PEDS1: variants seen among roughly 807,000 people sequenced by gnomAD.
The protein encoded by PEDS1 is plasmanylethanolamine desaturase 1, also known as CarF homolog.
Under a neutral mutation model 35.2 loss-of-function variants are expected in PEDS1, and 14 were observed. That is an observed-to-expected ratio of 0.40 (90% CI 0.26 to 0.62). PEDS1 has a LOEUF of 0.62. Ranked by LOEUF, PEDS1 falls within the 20% of genes least tolerant of loss-of-function variation. PEDS1 has a pLI of 0.44. For missense variants in PEDS1, 260 were observed against 367.8 expected (o/e 0.71, Z 2.40); for synonymous variants, 152 against 152.0 (o/e 1.00, Z 0.00).
intron 1 of PEDS1, among the ~76,000 whole-genome samples, chr20:50,147,044 G>T (rs1023389634): frequency 6.6e-6 from 1 of 152,158 alleles, no homozygotes; most frequent in Non-Finnish European, 1.5e-5. Context: ...GAACCTTCCC[G>T]ATCGACCTGC....
chr20:50,134,580 T>C (rs2081213224), intron 2 of PEDS1, among the ~76,000 whole-genome samples: 1 of 152,146 alleles, frequency 6.6e-6, no homozygotes, highest in Non-Finnish European at 1.5e-5. Context: ...GCTGCCTTCA[T>C]GAAAGAAATA....
At chr20:50,142,819 C>T (rs1379444228) in intron 2 of PEDS1, among the ~76,000 whole-genome samples, 1 of 151,772 alleles carries the variant, frequency 6.6e-6, no homozygotes, top group Non-Finnish European at 1.5e-5. Flanking sequence ...TCAGCAGACA[C>T]CTGGAGTGAG....
chr20:50,138,023 T>C (rs1174586569), intron 2 of PEDS1, among the ~76,000 whole-genome samples: 1 of 152,202 alleles, frequency 6.6e-6, no homozygotes. Context: ...CAGCTCATGA[T>C]AATGTATCAA....
Position 50,153,632 on chromosome 20 carries a change from C to G in PEDS1, c.6G>C (p.Ala2=), listed in dbSNP as rs555828056. The part of the protein sequence containing the change: M[A]GAENWPGQQL... The stretch of plus-strand genomic sequence containing the variant: ...GCTGGCCCGGCCAGTTCTCGGCGCC[C>G]GCCATGGCCACTCGCCCGATCGGCC... The change falls in exon 1 of 6, where the codon GCG becomes GCC. Residue 2 remains alanine, a synonymous_variant. Transcript: ENST00000371652. 11 of 1,261,960 alleles carry G rather than the reference C, an allele frequency of 8.7e-6. No individual in the cohort carries two copies. The highest frequency in any genetic ancestry group is 2.7e-5 in the South Asian group (1 of 36,634). The allele number at this position is 1,261,960 out of a possible 1,614,324, so 78.2% of individuals were successfully genotyped here.
At chr20:50,139,846 G>C (rs1379906656) in intron 2 of PEDS1, among the ~76,000 whole-genome samples, 1 of 151,888 alleles carries the variant, frequency 6.6e-6, no homozygotes, top group Non-Finnish European at 1.5e-5. Context: ...ATGCCCAGCT[G>C]ATTTTTGTAT....
chr20:50,142,041 T>A (rs1439852335), intron 2 of PEDS1, among the ~76,000 whole-genome samples: 4 of 152,042 alleles, frequency 2.6e-5, no homozygotes, highest in African/African-American at 9.7e-5. Flanking sequence ...GGAAACTGAG[T>A]CATCCAGGGC....
intron 5 of PEDS1, 129 bp downstream of exon 5, chr20:50,127,846 G>A: frequency 7.7e-7 from 1 of 1,302,318 alleles, no homozygotes; most frequent in Non-Finnish European, 1.1e-6. Context: ...ATAAATGCAT[G>A]ACCTGAGAGA....
At chr20:50,125,663 G>A (rs747955318) in intron 5 of PEDS1, among the ~76,000 whole-genome samples, 6 of 151,874 alleles carry the variant, frequency 4.0e-5, no homozygotes, top group Non-Finnish European at 7.4e-5. Context: ...GGGCGATCTC[G>A]GCTCACTGCA....
intron 2 of PEDS1, among the ~76,000 whole-genome samples, chr20:50,137,913 G>A (rs1050150200): frequency 3.9e-5 from 6 of 152,102 alleles, no homozygotes; most frequent in African/African-American, 1.4e-4. Context: ...AGCCTAAAGG[G>A]ACATGACAAC....
At chr20:50,146,332 G>C (rs953946250) in intron 1 of PEDS1, among the ~76,000 whole-genome samples, 1 of 152,154 alleles carries the variant, frequency 6.6e-6, no homozygotes, top group Non-Finnish European at 1.5e-5. Flanking sequence ...CATTGCTCAT[G>C]CCTGTGGCCT....
chr20:50,143,170 A>T (rs2081312024), intron 2 of PEDS1, among the ~76,000 whole-genome samples: 1 of 152,112 alleles, frequency 6.6e-6, no homozygotes, highest in African/African-American at 2.4e-5. Flanking sequence ...GCGGGAGAGG[A>T]TGGTGGCTGG....
chr20:50,146,347 T>C (rs560023734), intron 1 of PEDS1, among the ~76,000 whole-genome samples: 1 of 152,176 alleles, frequency 6.6e-6, no homozygotes, highest in East Asian at 1.9e-4. Context: ...TGGCCTTGTC[T>C]ACGTTTGTCT....
intron 2 of PEDS1, among the ~76,000 whole-genome samples, chr20:50,141,443 C>T (rs2081290767): frequency 6.6e-6 from 1 of 152,242 alleles, no homozygotes; most frequent in Non-Finnish European, 1.5e-5. Flanking sequence ...CTCCCCGCCC[C>T]TGCTTAGTCA....
chr20:50,147,491 A>G (rs1325338890), intron 1 of PEDS1, among the ~76,000 whole-genome samples: 6 of 152,174 alleles, frequency 3.9e-5, no homozygotes, highest in African/African-American at 1.4e-4. Context: ...TTCAAGTATC[A>G]GCCCGTCAAG....
chr20:50,129,508 A>G lies in PEDS1; in HGVS notation c.478+38T>C. The G allele has an allele frequency of 1.2e-6, 2 of 1,612,730 alleles. No homozygotes were observed. Among genetic ancestry groups the G allele is most frequent in the Non-Finnish European group, 8.5e-7 (1 of 1,179,128 alleles). ...TCCTGGGGGTCGGCCTCTGCCCCCA[A>G]GGCCCCCTCCCAGCCCACCACTAGC... On this transcript the variant is annotated intron_variant, in intron 4 of 5. Coordinates refer to ENST00000371652, the MANE Select transcript of PEDS1 (RefSeq NM_199129.4). This position sits in a 1 kb window ranked among gnomAD's most constrained non-coding sequence, Gnocchi z 4.2.
rs1022577119 is a variant in PEDS1, at chr20:50,138,063, C to T, written c.241+5439G>A. Among the ~76,000 whole-genome samples the T allele has an allele frequency of 7.2e-5, 11 of 152,274 alleles. No individual in the cohort carries two copies. In the South Asian group the frequency reaches 2.1e-3, roughly 29 times the overall value. Reference sequence around the variant, plus strand: ...GGCACACACTGTAACAAATGTGCCCCGCTAATGTAAGATTTAGGATGTGAA... The same window carrying T: ...GGCACACACTGTAACAAATGTGCCCTGCTAATGTAAGATTTAGGATGTGAA... On this transcript the variant is annotated intron_variant, in intron 2 of 5. Coordinates refer to ENST00000371652, the MANE Select transcript of PEDS1 (RefSeq NM_199129.4).
In PEDS1 at chr20:50,145,748, G is replaced by C. The variant is rs185753808; in HGVS notation, c.122-2127C>G. Among the ~76,000 whole-genome samples, 338 of 152,282 alleles carry C rather than the reference G, an allele frequency of 2.2e-3. 1 individual carries two copies. Among genetic ancestry groups the C allele is most frequent in the African/African-American group, 7.9e-3 (328 of 41,552 alleles). On this transcript the variant is annotated intron_variant, in intron 1 of 5. Coordinates refer to ENST00000371652, the MANE Select transcript of PEDS1 (RefSeq NM_199129.4). ...ACCATGTGGGTGACATAGAACATGT[G>C]ACTAGGGTATGCCCCAGGCAGCTGC...
chr20:50,145,781 G>A (rs1225851171), intron 1 of PEDS1, among the ~76,000 whole-genome samples: 1 of 152,196 alleles, frequency 6.6e-6, no homozygotes, highest in Non-Finnish European at 1.5e-5. Context: ...TGCTCCATAA[G>A]GCACAGAAGA....
At position 50,122,275 on chromosome 20, in the gene PEDS1, T is replaced by G. The variant is rs2081058001; in HGVS notation, c.*2783A>C. 6.6e-6 allele frequency: 1 copy of G among 152,248 alleles called. No homozygotes were observed. The highest frequency in any genetic ancestry group is 1.5e-5 in the Non-Finnish European group (1 of 68,046). The allele number at this position is 152,248 out of a possible 1,614,324, so 9.4% of individuals were successfully genotyped here. On this transcript the variant is annotated 3_prime_UTR_variant, in exon 6 of 6. Coordinates refer to ENST00000371652, the MANE Select transcript of PEDS1 (RefSeq NM_199129.4). ...TATGAGCTAATACGATTATTTTAGC[T>G]GTTTACTTTAAATTTCTGTCATTTA...
Sources: gnomAD v4.1 joint callset for allele counts (sites outside exome capture counted in the v4.1 genomes callset) on GRCh38, gnomAD v4.1.1 for gene constraint, Gnocchi (gnomAD v3.1) non-coding constraint, MANE v1.5 for transcripts, NCBI Gene and HGNC (gene_info 2026-07-23, HGNC 2026-07-21) for gene names.